Variants in SPOCK1 observed in about 807,000 individuals in gnomAD.
The protein encoded by SPOCK1 is testican-1.
SPOCK1 carries 23 observed loss-of-function variants against 55.3 expected under a neutral mutation model. That is an observed-to-expected ratio of 0.42 (90% CI 0.30 to 0.59). SPOCK1 has a LOEUF of 0.59. SPOCK1 is among the 20% of genes least tolerant of loss of function. The probability of loss-of-function intolerance (pLI) is 0.22; values close to 1 mark genes in which losing one functional copy is unlikely to be tolerated. For synonymous variants in SPOCK1, 226 were observed against 221.0 expected (o/e 1.02, Z -0.20); for missense variants, 499 against 552.5 (o/e 0.90, Z 0.97).
intron 2 of SPOCK1, among the ~76,000 whole-genome samples, chr5:137,330,023 G>A (rs1421551805): frequency 1.3e-5 from 2 of 152,122 alleles, no homozygotes; most frequent in Non-Finnish European, 2.9e-5. Context: ...TGTCCCATGG[G>A]AAGCAGACCT....
At chr5:137,071,437 G>C (rs918342229) in intron 5 of SPOCK1, among the ~76,000 whole-genome samples, 1 of 152,172 alleles carries the variant, frequency 6.6e-6, no homozygotes, top group Admixed American at 6.5e-5. Flanking sequence ...AAGGCAGCAG[G>C]ACTGGTCAGA....
At chr5:137,421,322 G>A (rs1485394279) in intron 2 of SPOCK1, among the ~76,000 whole-genome samples, 4 of 152,186 alleles carry the variant, frequency 2.6e-5, no homozygotes. Context: ...TCCACTTGGT[G>A]CAGAGCTGAA....
chr5:137,468,753 A>G lies in SPOCK1; in HGVS notation c.186+29620T>C, dbSNP rs1480576915. On this transcript the variant is annotated intron_variant, in intron 2 of 10. Coordinates refer to ENST00000394945, the MANE Select transcript of SPOCK1 (RefSeq NM_004598.4). ...AAAGCCCGCCTTCAGCCCCACTTCC[A>G]GGATGGAATTCCCAAAGTAAAAGCC... Among the ~76,000 whole-genome samples the G allele has an allele frequency of 2.0e-5, 3 of 152,196 alleles. No homozygotes were observed. In the East Asian group the frequency reaches 5.8e-4, roughly 29 times the overall value.
intron 2 of SPOCK1, among the ~76,000 whole-genome samples, chr5:137,458,310 A>C (rs1753409683): frequency 6.6e-6 from 1 of 152,216 alleles, no homozygotes; most frequent in Non-Finnish European, 1.5e-5. Context: ...CCAGCTAGGA[A>C]GGGTCTTAGA....
chr5:137,460,382 T>C (rs1158770422), intron 2 of SPOCK1, among the ~76,000 whole-genome samples: 2 of 152,118 alleles, frequency 1.3e-5, no homozygotes, highest in Non-Finnish European at 2.9e-5. Context: ...AGGGAGACTC[T>C]TCCAGGTCAA....
At chr5:137,346,958 G>A (rs1043824251) in intron 2 of SPOCK1, among the ~76,000 whole-genome samples, 3 of 152,132 alleles carry the variant, frequency 2.0e-5, no homozygotes, top group East Asian at 1.9e-4. Flanking sequence ...ACCAGCCAAC[G>A]GCACCTCCTA....
intron 2 of SPOCK1, among the ~76,000 whole-genome samples, chr5:137,340,866 G>C (rs1465049768): frequency 3.3e-5 from 5 of 150,034 alleles, no homozygotes; most frequent in African/African-American, 1.2e-4. Context: ...GGGTGACACA[G>C]TGAGATTCCA....
At chr5:137,321,123 T>C (rs1430515046) in intron 2 of SPOCK1, among the ~76,000 whole-genome samples, 1 of 150,688 alleles carries the variant, frequency 6.6e-6, no homozygotes, top group Non-Finnish European at 1.5e-5. Flanking sequence ...AGAGCAGAAC[T>C]GTTTAAGCAA....
At chr5:137,496,083 T>G (rs1320797847) in intron 2 of SPOCK1, among the ~76,000 whole-genome samples, 1 of 152,224 alleles carries the variant, frequency 6.6e-6, no homozygotes, top group Non-Finnish European at 1.5e-5. Flanking sequence ...TTTCTTTTTG[T>G]TATGTCTTGG....
intron 4 of SPOCK1, among the ~76,000 whole-genome samples, chr5:137,118,821 T>G (rs1753638207): frequency 6.6e-6 from 1 of 152,350 alleles, no homozygotes; most frequent in Admixed American, 6.5e-5. Context: ...CATGTTTGTA[T>G]AACTTTAGAT....
intron 3 of SPOCK1, among the ~76,000 whole-genome samples, chr5:137,197,684 C>T (rs182767004): frequency 1.3e-5 from 2 of 151,996 alleles, no homozygotes; most frequent in African/African-American, 2.4e-5. Flanking sequence ...TTAATTGAGA[C>T]GTAATGTGGA....
At chr5:137,123,271 G>A (rs1753721063) in intron 4 of SPOCK1, among the ~76,000 whole-genome samples, 1 of 152,160 alleles carries the variant, frequency 6.6e-6, no homozygotes, top group African/African-American at 2.4e-5. Flanking sequence ...TTTCTGGATT[G>A]GTAGTCAAGA....
chr5:137,495,275 G>A (rs1043659535), intron 2 of SPOCK1, among the ~76,000 whole-genome samples: 1 of 152,134 alleles, frequency 6.6e-6, no homozygotes, highest in African/African-American at 2.4e-5. Context: ...ATAAGTAGAG[G>A]TTGCCAGGTC....
At chr5:137,301,982 C>T (rs573106838) in intron 2 of SPOCK1, among the ~76,000 whole-genome samples, 7 of 152,206 alleles carry the variant, frequency 4.6e-5, no homozygotes, top group South Asian at 2.1e-4. Context: ...AGGGTCATGG[C>T]GCTTCTAAAA....
intron 2 of SPOCK1, among the ~76,000 whole-genome samples, chr5:137,399,221 T>C (rs1163218317): frequency 3.9e-5 from 6 of 152,200 alleles, no homozygotes; most frequent in African/African-American, 1.4e-4. Flanking sequence ...GGAAACCTAG[T>C]AACCTTAATA....
intron 3 of SPOCK1, among the ~76,000 whole-genome samples, chr5:137,207,308 T>C (rs1561471637): frequency 6.6e-6 from 1 of 152,226 alleles, no homozygotes; most frequent in African/African-American, 2.4e-5. Context: ...GGGAGCCTTT[T>C]CAGTGGGGGG....
intron 3 of SPOCK1, among the ~76,000 whole-genome samples, chr5:137,206,205 C>A (rs933889519): frequency 6.6e-6 from 1 of 152,198 alleles, no homozygotes; most frequent in Non-Finnish European, 1.5e-5. Flanking sequence ...CCAATAATAA[C>A]CCCTAAGTGG....
intron 5 of SPOCK1, among the ~76,000 whole-genome samples, chr5:137,081,653 C>T (rs746031571): frequency 6.6e-6 from 1 of 152,142 alleles, no homozygotes; most frequent in Non-Finnish European, 1.5e-5. Flanking sequence ...ATAAAGGTGA[C>T]CAAAAATGCC....
intron 2 of SPOCK1, among the ~76,000 whole-genome samples, chr5:137,298,938 T>C (rs567299980): frequency 6.6e-6 from 1 of 152,162 alleles, no homozygotes; most frequent in African/African-American, 2.4e-5. Flanking sequence ...TTCAATCCAG[T>C]CTGACAATTT....
Sources: gnomAD v4.1 joint callset for allele counts (sites outside exome capture counted in the v4.1 genomes callset) on GRCh38, gnomAD v4.1.1 for gene constraint, MANE v1.5 for transcripts, NCBI Gene and HGNC (gene_info 2026-07-23, HGNC 2026-07-21) for gene names.